YLPM1: variants seen among roughly 807,000 people sequenced by gnomAD.
The protein encoded by YLPM1 is YLP motif-containing protein 1.
YLPM1 carries 99 observed loss-of-function variants against 230.0 expected under a neutral mutation model. The ratio of observed to expected loss-of-function variants is 0.43; its 90% CI spans 0.37 to 0.51. The LOEUF (loss-of-function observed/expected upper bound fraction) is 0.51, where lower values mean the gene tolerates loss of function less well. YLPM1 is among the 20% of genes least tolerant of loss of function. YLPM1 has a pLI of 0.00. For missense variants in YLPM1, 2,592 were observed against 2,707.7 expected, an observed-to-expected ratio of 0.96 and a Z score of 0.95; for synonymous variants, 984 against 942.5, an observed-to-expected ratio of 1.04 and a Z score of -0.81.
Position 74,829,193 on chromosome 14 carries a change from G to A in YLPM1, c.6164-20G>A. 1 of 1,612,172 alleles carries A rather than the reference G, an allele frequency of 6.2e-7. No individual in the cohort carries two copies. The highest frequency in any genetic ancestry group is 8.5e-7 in the Non-Finnish European group (1 of 1,178,734). On this transcript the variant is annotated intron_variant, in intron 18 of 20. Transcript: ENST00000325680. ...ACTCACACTCTTCCTTAATGCTACG[G>A]CTCTGTGTTTGTCCCTCAGACAAGT...
intron 6 of YLPM1, among the ~76,000 whole-genome samples, chr14:74,805,190 T>C (rs957106373): frequency 6.6e-6 from 1 of 151,850 alleles, no homozygotes; most frequent in African/African-American, 2.4e-5. Flanking sequence ...TGGCTAAATT[T>C]TTTGTATTTT....
Position 74,782,097 on chromosome 14 carries a change from A to G in YLPM1, c.2054A>G (p.Tyr685Cys). ...VSFGSAPPTTYHPPLQSAGPS... is the reference protein window; with the variant it reads ...VSFGSAPPTTCHPPLQSAGPS... Reference sequence around the variant, plus strand: ...TTTGGTTCTGCCCCACCGACAACTTACCATCCTCCGTTGCAATCAGCTGGT... The same window carrying G: ...TTTGGTTCTGCCCCACCGACAACTTGCCATCCTCCGTTGCAATCAGCTGGT... The change falls in exon 4 of 21, where the codon TAC (tyrosine) becomes TGC (cysteine). Residue 685 changes from tyrosine (Y) to cysteine (C), a missense_variant. By Grantham distance (194) the Tyr-to-Cys change is radical. Coordinates refer to ENST00000325680, the MANE Select transcript of YLPM1 (RefSeq NM_019589.3). The G allele has an allele frequency of 6.2e-7, 1 of 1,613,984 alleles. No homozygotes were observed. The highest frequency in any genetic ancestry group is 8.5e-7 in the Non-Finnish European group (1 of 1,179,884).
Position 74,809,385 on chromosome 14 carries a change from A to AG in YLPM1, c.4530dup (p.Ser1511ValfsTer3). On this transcript the variant is annotated frameshift_variant, in exon 7 of 21. Transcript: ENST00000325680. LOFTEE classifies it high-confidence loss of function. Reference sequence around the variant, plus strand: ...CTATTTATTCTGTTCTCTAGCCTCCAGGGTCGTATAGACCTCCCCCTCCTA... The same window carrying AG: ...CTATTTATTCTGTTCTCTAGCCTCCAGGGGTCGTATAGACCTCCCCCTCCTA... 1 of 1,607,412 alleles carries AG rather than the reference A, an allele frequency of 6.2e-7. No homozygotes were observed. The highest frequency in any genetic ancestry group is 8.5e-7 in the Non-Finnish European group (1 of 1,176,748).
chr14:74,795,996 A>T (rs1338976241), intron 4 of YLPM1, among the ~76,000 whole-genome samples: 1 of 152,218 alleles, frequency 6.6e-6, no homozygotes, highest in Non-Finnish European at 1.5e-5. Flanking sequence ...TAAGGGGACA[A>T]CCCAGAAGAT....
At chr14:74,818,454 T>C (rs2091496508) in intron 16 of YLPM1, 140 bp downstream of exon 16, 1 of 584,468 alleles carries the variant, frequency 1.7e-6, no homozygotes, top group Admixed American at 3.7e-5. Flanking sequence ...TTCATTGAGA[T>C]CACGGTTAGT....
intron 1 of YLPM1, among the ~76,000 whole-genome samples, chr14:74,769,996 C>T (rs1253536744): frequency 1.3e-5 from 2 of 151,362 alleles, no homozygotes; most frequent in African/African-American, 4.8e-5. Flanking sequence ...TCCTGGCTAA[C>T]ATGGTGAAAC....
intron 17 of YLPM1, among the ~76,000 whole-genome samples, chr14:74,822,272 A>G (rs958928136): frequency 3.3e-5 from 5 of 152,132 alleles, no homozygotes; most frequent in Middle Eastern, 3.2e-3. Flanking sequence ...CAGCGTGTGT[A>G]CTAGAAACTG....
chr14:74,800,475 G>A (rs1216629100), intron 5 of YLPM1, among the ~76,000 whole-genome samples: 3 of 152,178 alleles, frequency 2.0e-5, no homozygotes, highest in African/African-American at 7.2e-5. Context: ...TGTATCTTGG[G>A]ATAGGAATTT....
At chr14:74,800,646 G>C (rs2091314774) in intron 5 of YLPM1, among the ~76,000 whole-genome samples, 1 of 152,058 alleles carries the variant, frequency 6.6e-6, no homozygotes, top group Non-Finnish European at 1.5e-5. Context: ...TTTAGAACTA[G>C]GAAAGAAAAA....
chr14:74,765,790 G>A (rs909633007), intron 1 of YLPM1, among the ~76,000 whole-genome samples: 6 of 152,174 alleles, frequency 3.9e-5, no homozygotes, highest in Non-Finnish European at 7.3e-5. Context: ...ACCATGAACA[G>A]TGCTTTTACT....
At chr14:74,832,241 CATT>C (rs1172643641) in intron 19 of YLPM1, among the ~76,000 whole-genome samples, 5 of 152,164 alleles carry the variant, frequency 3.3e-5, no homozygotes, top group African/African-American at 1.2e-4. Context: ...AGCTGAAAGT[CATT>C]ATTCTGCTCC....
At chr14:74,785,580 T>G (rs1028207526) in intron 4 of YLPM1, among the ~76,000 whole-genome samples, 1 of 152,214 alleles carries the variant, frequency 6.6e-6, no homozygotes, top group Non-Finnish European at 1.5e-5. Context: ...ATCTATACTA[T>G]TAAGGAAACC....
intron 4 of YLPM1, among the ~76,000 whole-genome samples, chr14:74,782,857 C>G (rs1594815634): frequency 6.6e-6 from 1 of 152,216 alleles, no homozygotes; most frequent in East Asian, 1.9e-4. Flanking sequence ...CATAAAATTC[C>G]TGCCCCCATG....
intron 1 of YLPM1, among the ~76,000 whole-genome samples, chr14:74,775,464 T>C (rs890594588): frequency 6.6e-6 from 1 of 152,158 alleles, no homozygotes; most frequent in African/African-American, 2.4e-5. Context: ...ATATTAACAG[T>C]GTAGGAAATC....
intron 1 of YLPM1, among the ~76,000 whole-genome samples, chr14:74,771,105 A>G (rs1453445594): frequency 6.6e-6 from 1 of 152,050 alleles, no homozygotes; most frequent in South Asian, 2.1e-4. Context: ...AAAACAGAAA[A>G]ACCTAAAGGA....
intron 18 of YLPM1, chr14:74,827,537 C>A: frequency 1.0e-6 from 1 of 985,358 alleles, no homozygotes; most frequent in Non-Finnish European, 1.2e-6. Flanking sequence ...GTCATATATA[C>A]CCAGTGTATG....
At chr14:74,773,711 CTTTTTTTT>C (rs766885242) in intron 1 of YLPM1, among the ~76,000 whole-genome samples, 7 of 60,564 alleles carry the variant, frequency 1.2e-4, no homozygotes, top group South Asian at 7.1e-4. Context: ...TGTTTTCTTT[CTTTTTTTT>C]TTTTTTTTTT....
Position 74,809,947 on chromosome 14 carries a change from A to G in YLPM1, c.4977A>G (p.Gly1659=), listed in dbSNP as rs1594835045. 3 of 1,610,158 alleles carry G rather than the reference A, an allele frequency of 1.9e-6. No individual in the cohort carries two copies. Among genetic ancestry groups the G allele is most frequent in the South Asian group, 1.1e-5 (1 of 90,230 alleles). The part of the protein sequence containing the change: ...STNKVEQIPY[G]ERITLRPDPL... Reference sequence around the variant, plus strand: ...ATAAAGTTGAACAGATACCTTATGGAGAAAGAATAACTCTACGCCCAGATC... The same window carrying G: ...ATAAAGTTGAACAGATACCTTATGGGGAAAGAATAACTCTACGCCCAGATC... Residue 1659 remains glycine (G), a synonymous_variant, in exon 8 of 21, where the codon GGA becomes GGG. Transcript: ENST00000325680.
intron 3 of YLPM1, 24 bp from the exon 4 acceptor site, chr14:74,781,310 T>C (rs2091089304): frequency 1.3e-6 from 2 of 1,496,574 alleles, no homozygotes; most frequent in African/African-American, 1.4e-5. Flanking sequence ...TGGTTTTAAA[T>C]AGTTTTTATC....
Sources: allele counts gnomAD v4.1 joint callset (sites outside exome capture counted in the v4.1 genomes callset), GRCh38; gene constraint gnomAD v4.1.1; transcripts MANE v1.5; gene names NCBI Gene and HGNC (gene_info 2026-07-23, HGNC 2026-07-21).